ZNF148: variants seen among roughly 807,000 people sequenced by gnomAD.
ZNF148 encodes Beta-Enolase Repressor Factor-1.
ZNF148 carries 7 observed loss-of-function variants against 67.7 expected under a neutral mutation model. That is an observed-to-expected ratio of 0.10 (90% confidence interval 0.06 to 0.19). The LOEUF is 0.19. Ranked by LOEUF, ZNF148 falls within the 10% of genes least tolerant of loss-of-function variation. The pLI, the probability that ZNF148 is intolerant of heterozygous loss-of-function variation, is 1.00. For synonymous variants in ZNF148, 333 were observed against 330.7 expected (o/e 1.01, Z -0.08); for missense variants, 583 against 947.1 (o/e 0.62, Z 5.05).
chr3:125,374,855 C>T (rs909922152), intron 1 of ZNF148, among the ~76,000 whole-genome samples: 1 of 152,048 alleles, frequency 6.6e-6, no homozygotes, highest in Non-Finnish European at 1.5e-5. Context: ...GCCTTCTCGC[C>T]TCCGCCACCC....
At chr3:125,317,297 GTTTTAAAATGAGCT>G (rs1940544645) in intron 3 of ZNF148, among the ~76,000 whole-genome samples, 2 of 151,994 alleles carry the variant, frequency 1.3e-5, no homozygotes, top group African/African-American at 4.8e-5. Context: ...ATAAGACAAA[GTTTTAAAATGAGCT>G]TTGGAAATAT....
At chr3:125,279,323 AGAT>A in intron 5 of ZNF148, 76 bp from the exon 6 acceptor site, 2 of 1,219,610 alleles carry the variant, frequency 1.6e-6, no homozygotes, top group Non-Finnish European at 2.2e-6. Context: ...TTTAAAAAAA[AGAT>A]AATGCAAACA....
intron 1 of ZNF148, among the ~76,000 whole-genome samples, chr3:125,368,616 C>T (rs1163658304): frequency 6.6e-6 from 1 of 152,170 alleles, no homozygotes; most frequent in African/African-American, 2.4e-5. Flanking sequence ...TCAATAAGAC[C>T]ATTCAGAATA....
intron 7 of ZNF148, among the ~76,000 whole-genome samples, chr3:125,263,793 C>T (rs758294112): frequency 3.6e-5 from 4 of 112,046 alleles, no homozygotes; most frequent in Non-Finnish European, 5.5e-5. Flanking sequence ...TGATAGAAGC[C>T]TCTTTCGTTC....
At chr3:125,236,178 C>T (rs1272323198) in intron 7 of ZNF148, among the ~76,000 whole-genome samples, 1 of 151,624 alleles carries the variant, frequency 6.6e-6, no homozygotes, top group African/African-American at 2.4e-5. Context: ...GGTCAGAATC[C>T]AGGCCTAAAT....
chr3:125,308,068 C>T (rs991853056), intron 4 of ZNF148, among the ~76,000 whole-genome samples: 8 of 151,910 alleles, frequency 5.3e-5, no homozygotes, highest in African/African-American at 1.9e-4. Flanking sequence ...AGGCCCCAGA[C>T]AGTGCAATAA....
chr3:125,356,589 C>G (rs1171576379), intron 1 of ZNF148, among the ~76,000 whole-genome samples: 1 of 152,114 alleles, frequency 6.6e-6, no homozygotes, highest in East Asian at 1.9e-4. Flanking sequence ...GGTGCCTTTA[C>G]CACTGCCCTC....
At chr3:125,304,344 G>T (rs1261570328) in intron 4 of ZNF148, among the ~76,000 whole-genome samples, 2 of 152,144 alleles carry the variant, frequency 1.3e-5, no homozygotes, top group Non-Finnish European at 2.9e-5. Flanking sequence ...AAAGCTAAGT[G>T]GGGTGAAGAA....
intron 1 of ZNF148, among the ~76,000 whole-genome samples, chr3:125,357,442 G>A (rs530613001): frequency 4.9e-4 from 74 of 152,336 alleles, no homozygotes; most frequent in African/African-American, 1.6e-3. Flanking sequence ...TTCGCCAGAC[G>A]GTGGGCAAAA....
At chr3:125,249,053 C>T (rs1325107960) in intron 7 of ZNF148, among the ~76,000 whole-genome samples, 1 of 152,076 alleles carries the variant, frequency 6.6e-6, no homozygotes, top group Non-Finnish European at 1.5e-5. Flanking sequence ...AAGACTTAAA[C>T]ATAAGACCTG....
chr3:125,305,217 C>T (rs972141254), intron 4 of ZNF148, among the ~76,000 whole-genome samples: 3 of 151,962 alleles, frequency 2.0e-5, no homozygotes, highest in East Asian at 1.9e-4. Flanking sequence ...AATGCAATGG[C>T]GAGAAAACAC....
intron 4 of ZNF148, among the ~76,000 whole-genome samples, chr3:125,290,936 C>A (rs1287692537): frequency 6.6e-6 from 1 of 152,086 alleles, no homozygotes; most frequent in Non-Finnish European, 1.5e-5. Context: ...ATATATCCCC[C>A]CTTTTAACTT....
intron 7 of ZNF148, among the ~76,000 whole-genome samples, chr3:125,268,507 C>T (rs1431101647): frequency 6.6e-6 from 1 of 152,016 alleles, no homozygotes; most frequent in East Asian, 1.9e-4. Context: ...TAACCATATC[C>T]AAAAGAATGA....
At chr3:125,316,536 A>G (rs554091721) in intron 3 of ZNF148, among the ~76,000 whole-genome samples, 1 of 152,264 alleles carries the variant, frequency 6.6e-6, no homozygotes, top group South Asian at 2.1e-4. Flanking sequence ...GATATAAGCC[A>G]TTTTAACTGG....
chr3:125,229,509 G>C lies in ZNF148; in HGVS notation c.*2832C>G, dbSNP rs1023408521. 1.3e-5 allele frequency: 2 copies of C among 152,172 alleles called. No homozygotes were observed. The highest frequency in any genetic ancestry group is 6.6e-5 in the Admixed American group (1 of 15,260). 9.4% of individuals were successfully genotyped at this position (152,172 alleles called of 1,614,324 possible). A position where few individuals can be genotyped will look rare whatever the true frequency, so the allele number is the denominator to read the frequency against. ...TATTCAAGACAAATGAAATATGTGAGAATAAGGTTTTAAAAAACCCTTTAG... is the reference window on the plus strand; with the variant it reads ...TATTCAAGACAAATGAAATATGTGACAATAAGGTTTTAAAAAACCCTTTAG... On this transcript the variant is annotated 3_prime_UTR_variant, in exon 9 of 9. Transcript: ENST00000360647.
In ZNF148 at chr3:125,283,445, C is replaced by T. The variant is rs575576795; in HGVS notation, c.460-4198G>A. On this transcript the variant is annotated intron_variant, in intron 5 of 8. Coordinates refer to ENST00000360647, the MANE Select transcript of ZNF148 (RefSeq NM_021964.3). ...AAAAAGGCTGTTTCTTCCCTGTTTC[C>T]TGAATATTAGGCAAAGAAGTAGGTG... 2.6e-4 allele frequency among the ~76,000 whole-genome samples: 39 copies of T among 152,148 alleles called. No homozygotes were observed. In the South Asian group the frequency reaches 2.7e-3, roughly 11 times the overall value.
intron 3 of ZNF148, among the ~76,000 whole-genome samples, chr3:125,317,660 TATAG>T (rs1230538548): frequency 4.8e-5 from 3 of 62,158 alleles, no homozygotes; most frequent in Admixed American, 3.1e-4. Context: ...TATATATATA[TATAG>T]AGAGAGAGAG....
chr3:125,321,987 GAAC>G (rs1164758804), intron 3 of ZNF148, among the ~76,000 whole-genome samples: 2 of 131,630 alleles, frequency 1.5e-5, no homozygotes, highest in African/African-American at 2.8e-5. Context: ...ACTCATTCCA[GAAC>G]AACAACAAAA....
In ZNF148 at chr3:125,266,253, A is replaced by AT. The variant is rs1937527459; in HGVS notation, c.667+11472_667+11473insA. Among the ~76,000 whole-genome samples the AT allele has an allele frequency of 1.4e-4, 21 of 151,980 alleles. No individual in the cohort carries two copies. The Middle Eastern group carries it at 0.01, about 74-fold the overall frequency. On this transcript the variant is annotated intron_variant, in intron 7 of 8. Coordinates refer to ENST00000360647, the MANE Select transcript of ZNF148 (RefSeq NM_021964.3). The stretch of plus-strand genomic sequence containing the variant: ...TAGAGCTCTACAGTATACTCTACCC[A>AT]ACAACCATAGAAAATACATTTTTCT...
Sources: gnomAD v4.1 joint callset for allele counts (sites outside exome capture counted in the v4.1 genomes callset) on GRCh38, gnomAD v4.1.1 for gene constraint, MANE v1.5 for transcripts, NCBI Gene and HGNC (gene_info 2026-07-23, HGNC 2026-07-21) for gene names.